Variants in LTBP1 observed in about 807,000 individuals in gnomAD.
The protein encoded by LTBP1 is latent-transforming growth factor beta-binding protein 1.
In LTBP1, 129 loss-of-function variants were observed where a neutral mutation model predicts 207.6. The observed-to-expected ratio is 0.62, with a 90% CI of 0.54 to 0.72. LTBP1 has a LOEUF of 0.72. Ranked by LOEUF, LTBP1 falls within the 30% of genes least tolerant of loss-of-function variation. The probability of loss-of-function intolerance (pLI) is 0.00; values close to 1 mark genes in which losing one functional copy is unlikely to be tolerated. For synonymous variants in LTBP1, 963 were observed against 833.7 expected, an observed-to-expected ratio of 1.16 and a Z score of -2.67; for missense variants, 2,281 against 2,217.2, an observed-to-expected ratio of 1.03 and a Z score of -0.58.
intron 3 of LTBP1, among the ~76,000 whole-genome samples, chr2:33,069,686 A>G (rs1190086665): frequency 6.6e-6 from 1 of 152,244 alleles, no homozygotes; most frequent in Non-Finnish European, 1.5e-5. Context: ...ACAAAGTTGA[A>G]GAGAACAAGA....
At chr2:33,344,964 A>G (rs1300549968) in intron 25 of LTBP1, among the ~76,000 whole-genome samples, 1 of 152,342 alleles carries the variant, frequency 6.6e-6, no homozygotes. Flanking sequence ...CCATGCTGAC[A>G]TTTCAGCTTG....
chr2:33,352,713 T>C (rs556319815), intron 26 of LTBP1, among the ~76,000 whole-genome samples: 87 of 152,298 alleles, frequency 5.7e-4, no homozygotes, highest in African/African-American at 2.1e-3. Context: ...AACATAGATA[T>C]CGGTTTAAAT....
intron 4 of LTBP1, 106 bp downstream of exon 4, chr2:33,110,857 G>T: frequency 9.2e-7 from 1 of 1,086,976 alleles, no homozygotes; most frequent in Non-Finnish European, 1.3e-6. Context: ...TAAAATTCAA[G>T]AGTCATTAAA....
intron 3 of LTBP1, among the ~76,000 whole-genome samples, chr2:33,097,356 A>T (rs1322574062): frequency 6.6e-6 from 1 of 152,196 alleles, no homozygotes; most frequent in African/African-American, 2.4e-5. Flanking sequence ...GTAAAGTTCT[A>T]GTATTTTTCT....
intron 3 of LTBP1, among the ~76,000 whole-genome samples, chr2:33,052,728 A>G (rs2076806176): frequency 6.6e-6 from 1 of 152,212 alleles, no homozygotes; most frequent in Non-Finnish European, 1.5e-5. Context: ...TCACCCTTGT[A>G]TTTATTTAAT....
chr2:33,165,727 G>T (rs1217025704), intron 5 of LTBP1, among the ~76,000 whole-genome samples: 1 of 152,108 alleles, frequency 6.6e-6, no homozygotes, highest in East Asian at 1.9e-4. Context: ...CATTATTTTA[G>T]CAGACGGAGT....
intron 24 of LTBP1, among the ~76,000 whole-genome samples, chr2:33,322,879 G>T (rs2094376088): frequency 6.6e-6 from 1 of 152,092 alleles, no homozygotes; most frequent in Admixed American, 6.6e-5. Flanking sequence ...TTCACTTCCT[G>T]TTCTTTTTTC....
At chr2:33,050,930 C>T (rs1039590098) in intron 3 of LTBP1, among the ~76,000 whole-genome samples, 2 of 151,988 alleles carry the variant, frequency 1.3e-5, no homozygotes, top group African/African-American at 4.8e-5. Flanking sequence ...GACAGGGTTT[C>T]GCCAGACTGG....
At chr2:33,362,034 G>C (rs928526407) in intron 28 of LTBP1, among the ~76,000 whole-genome samples, 3 of 152,128 alleles carry the variant, frequency 2.0e-5, no homozygotes, top group Non-Finnish European at 4.4e-5. Flanking sequence ...AACCAAAGTA[G>C]ACATGTTTTA....
intron 3 of LTBP1, among the ~76,000 whole-genome samples, chr2:33,087,660 A>G (rs2078841511): frequency 6.6e-6 from 1 of 152,234 alleles, no homozygotes; most frequent in Admixed American, 6.5e-5. Context: ...CAGAATGTAA[A>G]TGATAGCTGT....
chr2:33,113,751 T>C (rs2080552044), intron 4 of LTBP1, among the ~76,000 whole-genome samples: 1 of 152,240 alleles, frequency 6.6e-6, no homozygotes, highest in Non-Finnish European at 1.5e-5. Context: ...TGTTGTAGCA[T>C]GTATCAGTAT....
chr2:33,237,990 A>G (rs2092128159), intron 9 of LTBP1, among the ~76,000 whole-genome samples: 1 of 152,196 alleles, frequency 6.6e-6, no homozygotes, highest in African/African-American at 2.4e-5. Context: ...GAATATCTTC[A>G]TGTTCCTTCG....
intron 2 of LTBP1, among the ~76,000 whole-genome samples, chr2:32,963,896 C>A (rs1283747135): frequency 1.3e-5 from 2 of 152,084 alleles, no homozygotes; most frequent in African/African-American, 4.8e-5. Flanking sequence ...TGCTGGAATA[C>A]AAGATATCAA....
chr2:33,156,820 C>G (rs932052894), intron 5 of LTBP1, among the ~76,000 whole-genome samples: 1 of 152,096 alleles, frequency 6.6e-6, no homozygotes, highest in African/African-American at 2.4e-5. Flanking sequence ...AAATTGATAG[C>G]ATTGCCTAGT....
At chr2:33,347,138 A>C (rs2094714577) in intron 25 of LTBP1, among the ~76,000 whole-genome samples, 1 of 151,936 alleles carries the variant, frequency 6.6e-6, no homozygotes, top group African/African-American at 2.4e-5. Context: ...AAAAAAAAAA[A>C]AAACCTAAAT....
Position 33,347,248 on chromosome 2 carries a change from T to A in LTBP1, c.3857-119T>A, listed in dbSNP as rs1028530966. The A allele has an allele frequency of 4.5e-6, 5 of 1,110,704 alleles. No homozygotes were observed. The African/African-American group carries it at 7.7e-5, about 17-fold the overall frequency. 68.8% of individuals were successfully genotyped at this position (1,110,704 alleles called of 1,614,324 possible). A position where few individuals can be genotyped will look rare whatever the true frequency, so the allele number is the denominator to read the frequency against. ...CCTAAAAGAGCAGAAGGGGTTTGAC[T>A]GCTCTCTGGGGATCGCCTTCTTTTC... On this transcript the variant is annotated intron_variant, in intron 25 of 33. Coordinates refer to ENST00000404816, the MANE Select transcript of LTBP1 (RefSeq NM_206943.4).
intron 3 of LTBP1, among the ~76,000 whole-genome samples, chr2:33,083,102 G>A (rs776168376): frequency 2.0e-5 from 3 of 151,674 alleles, no homozygotes; most frequent in Non-Finnish European, 2.9e-5. Flanking sequence ...TCTCTTCTCC[G>A]TCCTGCTTGC....
chr2:33,303,593 G>A (rs529243364), intron 22 of LTBP1, among the ~76,000 whole-genome samples: 95 of 151,922 alleles, frequency 6.3e-4, no homozygotes, highest in Non-Finnish European at 1.1e-3. Flanking sequence ...CTCGTGATCC[G>A]CCCATCTCGG....
At chr2:33,140,083 T>A (rs966021684) in intron 5 of LTBP1, among the ~76,000 whole-genome samples, 1 of 152,214 alleles carries the variant, frequency 6.6e-6, no homozygotes, top group Admixed American at 6.5e-5. Flanking sequence ...TCTGGCATCC[T>A]GTAGCTGTTC....
Sources: gnomAD v4.1 joint callset for allele counts (sites outside exome capture counted in the v4.1 genomes callset) on GRCh38, gnomAD v4.1.1 for gene constraint, MANE v1.5 for transcripts, NCBI Gene and HGNC (gene_info 2026-07-23, HGNC 2026-07-21) for gene names.